Variants in ZNF503 observed in about 807,000 individuals in gnomAD.
ZNF503 encodes zinc finger protein 503, also known as NocA-like zinc finger 2.
ZNF503 carries 15 observed loss-of-function variants against 34.4 expected under a neutral mutation model. That is an observed-to-expected ratio of 0.44 (90% CI 0.29 to 0.67). The LOEUF is 0.67. Among genes scored for constraint, ZNF503 ranks in the 30% least tolerant of loss-of-function variants. The pLI is 0.13. For missense variants in ZNF503, 1,007 were observed against 926.8 expected (o/e 1.09, Z -1.12); for synonymous variants, 580 against 456.8 (o/e 1.27, Z -3.44).
chr10:75,332,294 T>C, the ZNF503 span, among the ~76,000 whole-genome samples: 2 of 152,080 alleles, frequency 1.3e-5, no homozygotes, highest in East Asian at 1.9e-4. Flanking sequence ...GCCTTTTCAC[T>C]GTGTTCCAAA....
In ZNF503 at chr10:75,399,290, G is replaced by A. The variant is rs201443753; in HGVS notation, c.1400C>T (p.Pro467Leu). 2.5e-6 allele frequency: 4 copies of A among 1,601,414 alleles called. No individual in the cohort carries two copies. Among genetic ancestry groups the A allele is most frequent in the Non-Finnish European group, 3.4e-6 (4 of 1,175,214 alleles). The stretch of plus-strand genomic sequence containing the variant: ...CAGCGGGTGCGTGGGGTACACCAGC[G>A]GGTATCCGGACTTCAGCGCCGCAGC... The part of the protein sequence containing the change: ...AAAAALKSGY[P>L]LVYPTHPLHG... The change falls in exon 2 of 2, where the codon CCG (proline) becomes CTG (leucine). Residue 467 changes from proline to leucine, a missense_variant. Physicochemically the swap from Pro to Leu is moderately conservative, Grantham distance 98 (BLOSUM62 -3). Coordinates refer to ENST00000372524, the MANE Select transcript of ZNF503 (RefSeq NM_032772.6).
Position 75,399,028 on chromosome 10 carries a change from GC to G in ZNF503, c.1661del (p.Gly554AlafsTer84). The G allele has an allele frequency of 6.2e-7, 1 of 1,611,002 alleles. No individual in the cohort carries two copies. Among genetic ancestry groups the G allele is most frequent in the Non-Finnish European group, 8.5e-7 (1 of 1,179,722 alleles). On this transcript the variant is annotated frameshift_variant, in exon 2 of 2. Coordinates refer to ENST00000372524, the MANE Select transcript of ZNF503 (RefSeq NM_032772.6). LOFTEE classifies it high-confidence loss of function. ...TGGCCAGAGACGACGAGCTGGGGTA[GC>G]CCGACAGCAGTTTGTCTGTCCCGGG... ...AFPGTDKLLS[G>X]YPSSSSLASA...
chr10:75,399,483 C>G lies in ZNF503; in HGVS notation c.1207G>C (p.Gly403Arg), dbSNP rs557414546. The G allele has an allele frequency of 1.3e-6, 2 of 1,575,722 alleles. No homozygotes were observed. The highest frequency in any genetic ancestry group is 4.6e-5 in the East Asian group (2 of 43,434). ...QLAAAAAGSL[G>R]CSKPAGSSPL... ...CTGGAGCCGGCCGGCTTACTGCAGC[C>G]CAGAGACCCGGCCGCGGCCGCCGCC... The change falls in exon 2 of 2, where the codon GGC becomes CGC. Residue 403 changes from glycine to arginine, a missense_variant. Physicochemically the swap from Gly to Arg is moderately radical, Grantham distance 125. Transcript: ENST00000372524.
the ZNF503 span, among the ~76,000 whole-genome samples, chr10:75,288,951 G>A: frequency 6.6e-6 from 1 of 152,194 alleles, no homozygotes; most frequent in Non-Finnish European, 1.5e-5. Flanking sequence ...GGCTTTGTCA[G>A]CAGTGGTCCA....
At chr10:75,350,401 G>C in the ZNF503 span, 2 of 152,182 alleles carry the variant, frequency 1.3e-5, no homozygotes, top group African/African-American at 4.8e-5. Flanking sequence ...AACCTGGACA[G>C]GTGGTCACCG....
chr10:75,327,887 G>A, the ZNF503 span, among the ~76,000 whole-genome samples: 1 of 151,962 alleles, frequency 6.6e-6, no homozygotes, highest in Non-Finnish European at 1.5e-5. Context: ...TTGACCATTT[G>A]TATGCTGTCT....
chr10:75,297,188 C>G, the ZNF503 span, among the ~76,000 whole-genome samples: 28 of 152,286 alleles, frequency 1.8e-4, no homozygotes, highest in South Asian at 5.8e-3. Context: ...ACTCATCCTT[C>G]AAGACTCAGC....
At chr10:75,329,394 CTTCCTTCCTTCCTTCCTTCCT>C in the ZNF503 span, among the ~76,000 whole-genome samples, 3 of 82,562 alleles carry the variant, frequency 3.6e-5, no homozygotes, top group African/African-American at 1.4e-4. Context: ...TCCTTCCTTC[CTTCCTTCCTTCCTTCCTTCCT>C]TTCCTTCCTT....
chr10:75,401,882 G>GCGC (rs541008614), upstream of ZNF503: 159 of 168,668 alleles, frequency 9.4e-4, 1 homozygote, highest in African/African-American at 3.3e-3. Flanking sequence ...GACGCGTCCC[G>GCGC]CGCCGCCGCC....
At chr10:75,289,879 A>G in the ZNF503 span, among the ~76,000 whole-genome samples, 2 of 152,112 alleles carry the variant, frequency 1.3e-5, no homozygotes, top group Non-Finnish European at 2.9e-5. Context: ...AACCATTTTT[A>G]AATGTACAGC....
rs1014129585 is a variant in ZNF503 at position 75,398,613 on chromosome 10, T to C, written c.*136A>G. 11 of 740,504 alleles carry C rather than the reference T, an allele frequency of 1.5e-5. No homozygotes were observed. In the African/African-American group the frequency reaches 2.0e-4, roughly 14 times the overall value. 45.9% of individuals were successfully genotyped at this position (740,504 alleles called of 1,614,324 possible). ...GCTGCTGTCGGGTAGATAGATACGGTATACATTTCTTTCCTTTCGTGGCCC... is the reference window on the plus strand; with the variant it reads ...GCTGCTGTCGGGTAGATAGATACGGCATACATTTCTTTCCTTTCGTGGCCC... On this transcript the variant is annotated 3_prime_UTR_variant, in exon 2 of 2. Coordinates refer to ENST00000372524, the MANE Select transcript of ZNF503 (RefSeq NM_032772.6).
chr10:75,363,150 T>C, the ZNF503 span, among the ~76,000 whole-genome samples: 1 of 152,094 alleles, frequency 6.6e-6, no homozygotes, highest in Non-Finnish European at 1.5e-5. Flanking sequence ...TCCTGCCAGC[T>C]ATGGAAGCCC....
chr10:75,399,011 G>A lies in ZNF503; in HGVS notation c.1679C>T (p.Ser560Phe), dbSNP rs768320504. 1 of 1,609,306 alleles carries A rather than the reference G, an allele frequency of 6.2e-7. No homozygotes were observed. The highest frequency in any genetic ancestry group is 8.5e-7 in the Non-Finnish European group (1 of 1,179,538). The change falls in exon 2 of 2, where the codon TCT (serine) becomes TTT (phenylalanine). Residue 560 changes from serine (S) to phenylalanine (F), a missense_variant. Coordinates refer to ENST00000372524, the MANE Select transcript of ZNF503 (RefSeq NM_032772.6). The part of the protein sequence containing the change: ...KLLSGYPSSS[S>F]LASAAAAAMA... ...GGCGGCCGCGGCAGCGCTGGCCAGA[G>A]ACGACGAGCTGGGGTAGCCCGACAG...
chr10:75,289,790 T>A, the ZNF503 span, among the ~76,000 whole-genome samples: 13 of 152,102 alleles, frequency 8.5e-5, no homozygotes, highest in Admixed American at 7.2e-4. Context: ...ATGCTCGAAC[T>A]CCCAGCCTCA....
At chr10:75,396,193 C>A (rs1440470363), downstream of ZNF503, among the ~76,000 whole-genome samples, 3 of 152,170 alleles carry the variant, frequency 2.0e-5, no homozygotes. The surrounding 1 kb of genome is among the most constrained non-coding windows in gnomAD (Gnocchi z 4.4). Context: ...AGCCCGCCGG[C>A]CAGGATTCTC....
chr10:75,288,084 G>A, the ZNF503 span, among the ~76,000 whole-genome samples: 3 of 152,374 alleles, frequency 2.0e-5, 1 homozygote, highest in South Asian at 6.2e-4. Context: ...TGTGAGCCAA[G>A]CCACACAGGG....
At chr10:75,358,050 C>T in the ZNF503 span, among the ~76,000 whole-genome samples, 2 of 152,078 alleles carry the variant, frequency 1.3e-5, no homozygotes, top group South Asian at 2.1e-4. Context: ...CATATTTTGC[C>T]GTGGGCCACT....
the ZNF503 span, among the ~76,000 whole-genome samples, chr10:75,365,973 G>A: frequency 1.2e-4 from 19 of 152,224 alleles, no homozygotes; most frequent in African/African-American, 4.6e-4. Context: ...CAGTGAGGAG[G>A]TCAAGTGCTC....
chr10:75,294,375 A>G, the ZNF503 span, among the ~76,000 whole-genome samples: 1 of 152,220 alleles, frequency 6.6e-6, no homozygotes, highest in Non-Finnish European at 1.5e-5. Flanking sequence ...CGCCCAAAGA[A>G]GAGGGCGGAC....
Sources: allele counts gnomAD v4.1 joint callset (sites outside exome capture counted in the v4.1 genomes callset), GRCh38; gene constraint gnomAD v4.1.1; non-coding constraint Gnocchi (gnomAD v3.1); transcripts MANE v1.5; gene names NCBI Gene and HGNC (gene_info 2026-07-23, HGNC 2026-07-21).